Variants in PANK4 observed in about 807,000 individuals in gnomAD.
PANK4 encodes the protein 4'-phosphopantetheine phosphatase.
Under a neutral mutation model 87.9 loss-of-function variants are expected in PANK4, and 40 were observed. The ratio of observed to expected loss-of-function variants is 0.46; its 90% CI spans 0.35 to 0.59. The LOEUF is 0.59. Ranked by LOEUF, PANK4 falls within the 20% of genes least tolerant of loss-of-function variation. The probability of loss-of-function intolerance (pLI) is 0.00; values close to 1 mark genes in which losing one functional copy is unlikely to be tolerated. For missense variants in PANK4, 926 were observed against 1,072.3 expected, an observed-to-expected ratio of 0.86 and a Z score of 1.90; for synonymous variants, 524 against 467.4, an observed-to-expected ratio of 1.12 and a Z score of -1.56.
chr1:2,513,584 C>T (rs1342174686), intron 12 of PANK4, among the ~76,000 whole-genome samples: 2 of 152,162 alleles, frequency 1.3e-5, no homozygotes, highest in Non-Finnish European at 2.9e-5. Flanking sequence ...ACTGTCCAGC[C>T]TCCTAGGAGG....
rs548749043 is a variant in PANK4 at position 2,514,559 on chromosome 1, G to A, written c.1375-93C>T. The A allele has an allele frequency of 1.9e-5, 15 of 788,016 alleles. No individual in the cohort carries two copies. In the Admixed American group the frequency reaches 2.3e-4, roughly 12 times the overall value. The allele number at this position is 788,016 out of a possible 1,614,324, so 48.8% of individuals were successfully genotyped here. On this transcript the variant is annotated intron_variant, in intron 10 of 18. Coordinates refer to ENST00000378466, the MANE Select transcript of PANK4 (RefSeq NM_018216.4). ...GCAGGGGGCTCGGGGAAGGGTGGGGGTCGGCCGTGGGGGACTGTCTGGGGC... is the reference window on the plus strand; with the variant it reads ...GCAGGGGGCTCGGGGAAGGGTGGGGATCGGCCGTGGGGGACTGTCTGGGGC...
chr1:2,520,463 C>T lies in PANK4; in HGVS notation c.607-49G>A. ...TGCCCTCAGTGGGCCCTCAGCCACA[C>T]AGGCTCCCCCGCCCCCCGCCCCATG... On this transcript the variant is annotated intron_variant, in intron 4 of 18. Transcript: ENST00000378466. This position sits in a 1 kb window ranked among gnomAD's most constrained non-coding sequence, Gnocchi z 6.2. 1 of 1,509,670 alleles carries T rather than the reference C, an allele frequency of 6.6e-7. No homozygotes were observed. The highest frequency in any genetic ancestry group is 9.2e-7 in the Non-Finnish European group (1 of 1,090,416). The allele number at this position is 1,509,670 out of a possible 1,614,324, so 93.5% of individuals were successfully genotyped here. A position where few individuals can be genotyped will look rare whatever the true frequency, so the allele number is the denominator to read the frequency against.
intron 8 of PANK4, 111 bp from the exon 9 acceptor site, chr1:2,518,375 T>A: frequency 1.0e-6 from 1 of 966,338 alleles, no homozygotes; most frequent in Non-Finnish European, 1.6e-6. Context: ...TGTTAAAATG[T>A]TAGACATGCC....
intron 10 of PANK4, among the ~76,000 whole-genome samples, chr1:2,514,704 G>C (rs1643735152): frequency 6.7e-6 from 1 of 148,990 alleles, no homozygotes; most frequent in South Asian, 2.2e-4. Context: ...GGCCTGCTGT[G>C]GGGGACTCGG....
chr1:2,525,464 G>C (rs1036672301), intron 1 of PANK4: 2 of 152,146 alleles, frequency 1.3e-5, no homozygotes, highest in African/African-American at 2.4e-5. Flanking sequence ...CTATTCAAGG[G>C]GGGTTTCTCC....
chr1:2,520,274 C>CAGA lies in PANK4; in HGVS notation c.699+45_699+47dup. 1.3e-6 allele frequency: 2 copies of CAGA among 1,544,192 alleles called. No homozygotes were observed. The highest frequency in any genetic ancestry group is 1.8e-6 in the Non-Finnish European group (2 of 1,117,818). ...GCTGCAGGCCTTCGGGGGAAGGAAGCAGACATCTCCGCAGACCCCTGGAAG... is the reference window on the plus strand; with the variant it reads ...GCTGCAGGCCTTCGGGGGAAGGAAGCAGAAGACATCTCCGCAGACCCCTGGAAG... On this transcript the variant is annotated intron_variant, in intron 5 of 18. Transcript: ENST00000378466. This position sits in a 1 kb window ranked among gnomAD's most constrained non-coding sequence, Gnocchi z 6.2.
At chr1:2,518,120 G>A (rs1384024250) in intron 9 of PANK4, 44 bp downstream of exon 9, 1 of 1,261,158 alleles carries the variant, frequency 7.9e-7, no homozygotes, top group Admixed American at 1.9e-5. Context: ...GTGCGGCATA[G>A]GCTGCTCCCC....
chr1:2,513,511 G>A (rs555248883), intron 12 of PANK4, among the ~76,000 whole-genome samples: 53 of 152,342 alleles, frequency 3.5e-4, no homozygotes, highest in Middle Eastern at 3.4e-3. Flanking sequence ...GAAGCAAAAC[G>A]GACGCCCGGA....
intron 1 of PANK4, among the ~76,000 whole-genome samples, chr1:2,524,695 C>A (rs1399330839): frequency 1.3e-5 from 2 of 152,238 alleles, no homozygotes; most frequent in African/African-American, 4.8e-5. Flanking sequence ...CCACGGTGAG[C>A]CCTGTTCTCC....
intron 1 of PANK4, among the ~76,000 whole-genome samples, chr1:2,522,663 C>T (rs1424476557): frequency 7.3e-6 from 1 of 137,184 alleles, no homozygotes; most frequent in Non-Finnish European, 1.6e-5. Flanking sequence ...GAAAAAGAAA[C>T]AAAATGTGAC....
intron 1 of PANK4, among the ~76,000 whole-genome samples, chr1:2,522,598 CATT>C (rs1473239522): frequency 2.0e-5 from 3 of 151,948 alleles, no homozygotes; most frequent in Non-Finnish European, 4.4e-5. Flanking sequence ...AAAAAACAGA[CATT>C]GTTGAGGCTA....
In PANK4 at chr1:2,515,964, C is replaced by G; in HGVS notation, c.1219-247G>C. 1.8e-6 allele frequency: 1 copy of G among 568,992 alleles called. No individual in the cohort carries two copies. The highest frequency in any genetic ancestry group is 3.1e-6 in the Non-Finnish European group (1 of 317,904). 35.2% of individuals were successfully genotyped at this position (568,992 alleles called of 1,614,324 possible). On this transcript the variant is annotated intron_variant, in intron 9 of 18. Transcript: ENST00000378466. This position sits in a 1 kb window ranked among gnomAD's most constrained non-coding sequence, Gnocchi z 5.0. ...GCTCCCACCACACGCCTCCTGCCCCCAGCACCTCCCCGCTGCAGCCACACC... is the reference window on the plus strand; with the variant it reads ...GCTCCCACCACACGCCTCCTGCCCCGAGCACCTCCCCGCTGCAGCCACACC...
At chr1:2,514,632 G>C (rs1239745814) in intron 10 of PANK4, among the ~76,000 whole-genome samples, 166 bp from the exon 11 acceptor site, 1 of 139,968 alleles carries the variant, frequency 7.1e-6, no homozygotes, top group African/African-American at 2.7e-5. Flanking sequence ...GGAGCCGGCT[G>C]TCGGGGGCTG....
intron 1 of PANK4, among the ~76,000 whole-genome samples, chr1:2,523,674 G>C (rs970083075): frequency 1.3e-5 from 2 of 152,206 alleles, no homozygotes; most frequent in Non-Finnish European, 2.9e-5. Flanking sequence ...CCAGTGTTCC[G>C]TCTGCCTACT....
chr1:2,524,997 C>G (rs944236841), intron 1 of PANK4, among the ~76,000 whole-genome samples: 1 of 152,170 alleles, frequency 6.6e-6, no homozygotes, highest in African/African-American at 2.4e-5. Flanking sequence ...GCTACTCACA[C>G]GTTCTCATAC....
Position 2,508,892 on chromosome 1 carries a change from G to GC in PANK4, c.2276dup (p.Arg760ProfsTer51), listed in dbSNP as rs1219198406. The stretch of plus-strand genomic sequence containing the variant: ...ACTTGAAGATGACGCTGAAGAGCCG[G>GC]CCGCCCAGCCGCTCGGCCAGCCACG... On this transcript the variant is annotated frameshift_variant, in exon 19 of 19. Coordinates refer to ENST00000378466, the MANE Select transcript of PANK4 (RefSeq NM_018216.4). LOFTEE classifies it high-confidence loss of function. The surrounding 1 kb of genome is among the most constrained non-coding windows in gnomAD (Gnocchi z 5.1). 3 of 1,608,048 alleles carry GC rather than the reference G, an allele frequency of 1.9e-6. No homozygotes were observed. Among genetic ancestry groups the GC allele is most frequent in the Non-Finnish European group, 2.5e-6 (3 of 1,177,800 alleles).
At chr1:2,512,622 C>A in intron 13 of PANK4, 1 of 463,980 alleles carries the variant, frequency 2.2e-6, no homozygotes, top group Non-Finnish European at 3.8e-6. Flanking sequence ...CCCCGATTTT[C>A]AAATCCACAC....
chr1:2,511,534 T>C, intron 14 of PANK4, 94 bp downstream of exon 14: 1 of 1,113,358 alleles, frequency 9.0e-7, no homozygotes, highest in Non-Finnish European at 1.4e-6. Context: ...GGGAGGTGCC[T>C]GGACCCCGAC....
chr1:2,519,862 A>T lies in PANK4; in HGVS notation c.792T>A (p.Thr264=). 6.4e-7 allele frequency: 1 copy of T among 1,571,930 alleles called. No individual in the cohort carries two copies. Among genetic ancestry groups the T allele is most frequent in the East Asian group, 2.3e-5 (1 of 42,690 alleles). ...VRDVYGGAHQ[T]LGLSGNLIAS... is the part of the protein sequence containing the mutation. ...CGATGAGGTTCCCGCTCAGCCCGAG[A>T]GTCTGGTGGGCGCCGCCGTAGACGT... The change falls in exon 6 of 19, where the codon ACT becomes ACA. Residue 264 remains threonine (T), a synonymous_variant. Coordinates refer to ENST00000378466, the MANE Select transcript of PANK4 (RefSeq NM_018216.4). The surrounding 1 kb of genome is among the most constrained non-coding windows in gnomAD (Gnocchi z 8.3).
Sources: gnomAD v4.1 joint callset for allele counts (sites outside exome capture counted in the v4.1 genomes callset) on GRCh38, gnomAD v4.1.1 for gene constraint, Gnocchi (gnomAD v3.1) non-coding constraint, MANE v1.5 for transcripts, NCBI Gene and HGNC (gene_info 2026-07-23, HGNC 2026-07-21) for gene names.